Variants in PTPN1 observed in about 807,000 individuals in gnomAD.
PTPN1 encodes protein tyrosine phosphatase non-receptor type 1, also known as tyrosine-protein phosphatase non-receptor type 1.
A neutral mutation model predicts 59.9 loss-of-function variants in PTPN1; 12 were observed. The ratio of observed to expected loss-of-function variants is 0.20; its 90% CI spans 0.13 to 0.32. The LOEUF (loss-of-function observed/expected upper bound fraction) is 0.32. PTPN1 is among the 10% of genes least tolerant of loss of function. The probability of loss-of-function intolerance (pLI) is 1.00; values close to 1 mark genes in which losing one functional copy is unlikely to be tolerated. For synonymous variants in PTPN1, 178 were observed against 203.6 expected, an observed-to-expected ratio of 0.87 and a Z score of 1.07; for missense variants, 356 against 549.2, an observed-to-expected ratio of 0.65 and a Z score of 3.52.
At chr20:50,528,736 T>TA (rs766874557) in intron 1 of PTPN1, among the ~76,000 whole-genome samples, 3,725 of 115,318 alleles carry the variant, frequency 0.032, 147 homozygotes, top group African/African-American at 0.1. Flanking sequence ...GACTCCATCT[T>TA]AAAAAAAAAA....
At chr20:50,565,828 CAG>C (rs2122783531) in intron 3 of PTPN1, among the ~76,000 whole-genome samples, 1 of 152,292 alleles carries the variant, frequency 6.6e-6, no homozygotes, top group East Asian at 1.9e-4. Context: ...CTTTAGGCCA[CAG>C]GGCGATTTTG....
intron 1 of PTPN1, among the ~76,000 whole-genome samples, chr20:50,549,819 T>G (rs1035144699): frequency 3.0e-4 from 45 of 152,334 alleles, no homozygotes; most frequent in Non-Finnish European, 7.3e-5. Context: ...TATATGAATG[T>G]ACACATAAAT....
chr20:50,551,720 C>T (rs973763038), intron 1 of PTPN1, among the ~76,000 whole-genome samples: 1 of 152,150 alleles, frequency 6.6e-6, no homozygotes, highest in South Asian at 2.1e-4. Context: ...GATACTATTT[C>T]CCATTGGTAA....
chr20:50,580,037 G>A (rs2082858136), intron 8 of PTPN1, 111 bp downstream of exon 8: 7 of 989,612 alleles, frequency 7.1e-6, no homozygotes, highest in South Asian at 4.6e-5. Flanking sequence ...GGCAAGCAGC[G>A]CTTCCGCATC....
At chr20:50,525,582 G>C (rs1405329178) in intron 1 of PTPN1, among the ~76,000 whole-genome samples, 1 of 150,814 alleles carries the variant, frequency 6.6e-6, no homozygotes, top group Non-Finnish European at 1.5e-5. Context: ...CTAGCTATGA[G>C]GATTATATAC....
At chr20:50,571,602 G>A (rs566871266) in intron 4 of PTPN1, 36 of 152,298 alleles carry the variant, frequency 2.4e-4, no homozygotes, top group African/African-American at 7.5e-4. Context: ...TCACCAAATA[G>A]TGTAGGATGC....
intron 1 of PTPN1, among the ~76,000 whole-genome samples, chr20:50,557,316 G>A (rs1275764969): frequency 6.6e-6 from 1 of 152,012 alleles, no homozygotes; most frequent in East Asian, 1.9e-4. Flanking sequence ...CTGTAGCCTC[G>A]AACTCCTGGG....
At chr20:50,549,623 T>C (rs1051352563) in intron 1 of PTPN1, among the ~76,000 whole-genome samples, 15 of 152,186 alleles carry the variant, frequency 9.9e-5, no homozygotes, top group Admixed American at 7.9e-4. Flanking sequence ...CATTCAACTA[T>C]CACCAAACCA....
chr20:50,516,710 G>C (rs747579695), intron 1 of PTPN1, among the ~76,000 whole-genome samples: 1 of 152,176 alleles, frequency 6.6e-6, no homozygotes, highest in Non-Finnish European at 1.5e-5. Context: ...GCCCTGACAC[G>C]TACGCTATGC....
intron 1 of PTPN1, among the ~76,000 whole-genome samples, chr20:50,548,339 C>CT (rs1292364887): frequency 6.6e-6 from 1 of 151,998 alleles, no homozygotes; most frequent in Non-Finnish European, 1.5e-5. Context: ...TCTGGTTTTA[C>CT]TTCTTCCTGT....
rs190174948 is a variant in PTPN1, at chr20:50,544,222, C to T, written c.64-17141C>T. ...CTGAAGTACAGTGGCCCAATCATGGCTAACTGCAGCCTTGACTTCTGGGCC... is the reference window on the plus strand; with the variant it reads ...CTGAAGTACAGTGGCCCAATCATGGTTAACTGCAGCCTTGACTTCTGGGCC... On this transcript the variant is annotated intron_variant, in intron 1 of 9. Coordinates refer to ENST00000371621, the MANE Select transcript of PTPN1 (RefSeq NM_002827.4). Among the ~76,000 whole-genome samples the T allele has an allele frequency of 2.5e-3, 380 of 152,244 alleles. 3 individuals carry two copies. The highest frequency in any genetic ancestry group is 8.8e-3 in the African/African-American group (365 of 41,534).
intron 1 of PTPN1, among the ~76,000 whole-genome samples, chr20:50,547,880 C>T (rs1297265558): frequency 6.6e-6 from 1 of 152,152 alleles, no homozygotes; most frequent in East Asian, 1.9e-4. Context: ...TTTAGGGTCA[C>T]CATCAATGAC....
chr20:50,557,014 AG>A (rs2082728932), intron 1 of PTPN1, among the ~76,000 whole-genome samples: 1 of 152,222 alleles, frequency 6.6e-6, no homozygotes, highest in South Asian at 2.1e-4. Flanking sequence ...AAAGGTCAAA[AG>A]AAGCAGATGA....
intron 1 of PTPN1, among the ~76,000 whole-genome samples, chr20:50,547,689 C>T (rs2082681972): frequency 6.6e-6 from 1 of 152,176 alleles, no homozygotes; most frequent in South Asian, 2.1e-4. Context: ...TGGTAGACCA[C>T]TATGTCAATA....
At chr20:50,526,728 C>T (rs1373005186) in intron 1 of PTPN1, among the ~76,000 whole-genome samples, 2 of 152,116 alleles carry the variant, frequency 1.3e-5, no homozygotes, top group African/African-American at 4.8e-5. Context: ...TCTCTCCTCC[C>T]CCCACCGCAG....
chr20:50,550,074 C>G (rs1316180296), intron 1 of PTPN1, among the ~76,000 whole-genome samples: 1 of 151,984 alleles, frequency 6.6e-6, no homozygotes, highest in Non-Finnish European at 1.5e-5. Context: ...CCCACCCCCC[C>G]TTCTATATAT....
intron 4 of PTPN1, chr20:50,573,804 G>C (rs1257970247): frequency 6.6e-6 from 1 of 152,114 alleles, no homozygotes; most frequent in Non-Finnish European, 1.5e-5. Context: ...CTAAATTCGA[G>C]TCAGTTTTTG....
chr20:50,521,030 T>C (rs1393143443), intron 1 of PTPN1, among the ~76,000 whole-genome samples: 3 of 152,232 alleles, frequency 2.0e-5, no homozygotes, highest in Non-Finnish European at 4.4e-5. Context: ...TATATGGCTG[T>C]GCCTGATCCC....
At position 50,582,619 on chromosome 20, in the gene PTPN1, C is replaced by T. The variant is rs932080740; in HGVS notation, c.1285-73C>T. On this transcript the variant is annotated intron_variant, in intron 9 of 9. Coordinates refer to ENST00000371621, the MANE Select transcript of PTPN1 (RefSeq NM_002827.4). This position sits in a 1 kb window ranked among gnomAD's most constrained non-coding sequence, Gnocchi z 4.2. ...GGTTGAAGTTGCCGGGGGGTGTGGCCGGGGTCATGCATGAGGCGACAGCTC... is the reference window on the plus strand; with the variant it reads ...GGTTGAAGTTGCCGGGGGGTGTGGCTGGGGTCATGCATGAGGCGACAGCTC... The T allele has an allele frequency of 1.4e-5, 21 of 1,548,880 alleles. 1 individual carries two copies. The highest frequency in any genetic ancestry group is 4.6e-5 in the South Asian group (4 of 86,780).
Sources: allele counts gnomAD v4.1 joint callset (sites outside exome capture counted in the v4.1 genomes callset), GRCh38; gene constraint gnomAD v4.1.1; non-coding constraint Gnocchi (gnomAD v3.1); transcripts MANE v1.5; gene names NCBI Gene and HGNC (gene_info 2026-07-23, HGNC 2026-07-21).